The following MINDY4B variants were observed in gnomAD, a reference collection of about 807,000 sequenced individuals.
MINDY4B encodes inactive ubiquitin carboxyl-terminal hydrolase MINDY-4B.
A neutral mutation model predicts 16.7 loss-of-function variants in MINDY4B; 25 were observed. The observed-to-expected ratio is 1.49, with a 90% confidence interval of 1.09 to 2.09. The LOEUF is 2.09. Among genes scored for constraint, MINDY4B ranks in the 30% most tolerant of loss-of-function variants. The pLI, the probability that MINDY4B is intolerant of heterozygous loss-of-function variation, is 0.00. For synonymous variants in MINDY4B, 132 were observed against 61.9 expected (o/e 2.13, Z -5.32); for missense variants, 327 against 168.4 (o/e 1.94, Z -5.21).
chr3:150,888,225 G>A (rs888181562), intron 7 of MINDY4B, among the ~76,000 whole-genome samples: 2 of 152,060 alleles, frequency 1.3e-5, no homozygotes, highest in African/African-American at 4.8e-5. Flanking sequence ...CATCACTCTG[G>A]TCCCAGCTTC....
At chr3:150,872,036 A>G (rs1716985048) in intron 11 of MINDY4B, among the ~76,000 whole-genome samples, 1 of 152,176 alleles carries the variant, frequency 6.6e-6, no homozygotes, top group African/African-American at 2.4e-5. Flanking sequence ...TCAATTAGTA[A>G]CTACTTGTTG....
Position 150,883,263 on chromosome 3 carries a change from C to G in MINDY4B, c.898-205G>C, listed in dbSNP as rs1711551617. ...TTTTTTCTTAAACCTTACCCCATAACTCCCTCTGTACCCCACTCTGATCTT... is the reference window on the plus strand; with the variant it reads ...TTTTTTCTTAAACCTTACCCCATAAGTCCCTCTGTACCCCACTCTGATCTT... On this transcript the variant is annotated intron_variant, in intron 9 of 11. Coordinates refer to ENST00000465419, the MANE Select transcript of MINDY4B (RefSeq NM_001351281.2). 3.9e-5 allele frequency among the ~76,000 whole-genome samples: 6 copies of G among 152,296 alleles called. 1 individual carries two copies. The South Asian group carries it at 1.2e-3, about 32-fold the overall frequency.
intron 7 of MINDY4B, among the ~76,000 whole-genome samples, chr3:150,885,994 T>C (rs1711613942): frequency 6.6e-6 from 1 of 152,236 alleles, no homozygotes. Context: ...AAGTAATTAA[T>C]TATTTGAACC....
rs766447426 is a variant in MINDY4B at position 150,893,310 on chromosome 3, C to G, written c.521+14G>C. ...TGAAATGGGTAATTCAAGTACTTCT[C>G]ACAGTCCTCTTACTTGCCAAGGTTA... On this transcript the variant is annotated intron_variant, in intron 5 of 11. Transcript: ENST00000465419. The G allele has an allele frequency of 4.0e-5, 28 of 702,590 alleles. No homozygotes were observed. The Admixed American group carries it at 4.2e-4, about 11-fold the overall frequency. 43.5% of individuals were successfully genotyped at this position (702,590 alleles called of 1,614,324 possible).
chr3:150,883,417 G>T (rs1224720942), intron 9 of MINDY4B, among the ~76,000 whole-genome samples: 1 of 151,714 alleles, frequency 6.6e-6, no homozygotes, highest in African/African-American at 2.4e-5. Flanking sequence ...GTCTTGTCAA[G>T]ATATTTTCTA....
At position 150,871,099 on chromosome 3, in the gene MINDY4B, T is replaced by C; in HGVS notation, c.1329A>G (p.Arg443=). 1.4e-6 allele frequency: 1 copy of C among 702,908 alleles called. No homozygotes were observed. The highest frequency in any genetic ancestry group is 1.5e-5 in the South Asian group (1 of 67,594). 43.5% of individuals were successfully genotyped at this position (702,908 alleles called of 1,614,324 possible). ...TGATGGTGGCCTCGCTCCACTTGGT[T>C]CTGATTGCCATCTCCACTGGTGAAA... ...RRFSPVEMAI[R]TKWSEATINW... The change falls in exon 12 of 12, where the codon AGA becomes AGG. Residue 443 remains arginine (R), a synonymous_variant. Coordinates refer to ENST00000465419, the MANE Select transcript of MINDY4B (RefSeq NM_001351281.2).
intron 7 of MINDY4B, among the ~76,000 whole-genome samples, chr3:150,886,174 G>T (rs1056062539): frequency 1.6e-4 from 24 of 152,132 alleles, no homozygotes; most frequent in Middle Eastern, 3.2e-3. Flanking sequence ...AACATTCAGG[G>T]CTTCTCATCA....
intron 11 of MINDY4B, among the ~76,000 whole-genome samples, chr3:150,872,017 T>A (rs1316037146): frequency 6.6e-6 from 1 of 152,236 alleles, no homozygotes; most frequent in East Asian, 1.9e-4. Context: ...ATTGCTAAAC[T>A]TCATTTATTC....
At chr3:150,877,325 T>C (rs1451025973) in intron 10 of MINDY4B, among the ~76,000 whole-genome samples, 2 of 152,182 alleles carry the variant, frequency 1.3e-5, no homozygotes, top group African/African-American at 2.4e-5. Flanking sequence ...AGGCAGGAGC[T>C]ACTAAATATC....
At chr3:150,877,052 T>G (rs1439563490) in intron 10 of MINDY4B, among the ~76,000 whole-genome samples, 1 of 151,950 alleles carries the variant, frequency 6.6e-6, no homozygotes, top group Non-Finnish European at 1.5e-5. Flanking sequence ...ATACCATCTT[T>G]TTTTTTTAAA....
intron 3 of MINDY4B, among the ~76,000 whole-genome samples, chr3:150,897,329 G>A (rs1026574480): frequency 6.9e-6 from 1 of 144,202 alleles, no homozygotes; most frequent in Non-Finnish European, 1.5e-5. Context: ...AACTGTGTGT[G>A]TGTGTGTGTG....
chr3:150,892,940 CAAA>C (rs36086608), intron 5 of MINDY4B, among the ~76,000 whole-genome samples: 2 of 138,968 alleles, frequency 1.4e-5, no homozygotes, highest in Admixed American at 7.2e-5. Context: ...GACTTTGTTG[CAAA>C]AAAAAAAAAA....
rs151276632 is a variant in MINDY4B at position 150,894,313 on chromosome 3, G to A, written c.310-8C>T. The A allele has an allele frequency of 5.4e-5, 37 of 685,602 alleles. No individual in the cohort carries two copies. The highest frequency in any genetic ancestry group is 4.5e-4 in the African/African-American group (25 of 56,170). The allele number at this position is 685,602 out of a possible 1,614,324, so 42.5% of individuals were successfully genotyped here. On this transcript the variant is annotated splice_region_variant and splice_polypyrimidine_tract_variant and intron_variant, in intron 3 of 11. Coordinates refer to ENST00000465419, the MANE Select transcript of MINDY4B (RefSeq NM_001351281.2). ...CAGGATCTGCCGCAGCTTCTGAAAA[G>A]AGGGGAAAGAAATGATTCAACAAAA...
intron 8 of MINDY4B, among the ~76,000 whole-genome samples, chr3:150,884,064 T>C: frequency 6.6e-6 from 1 of 152,190 alleles, no homozygotes; most frequent in Middle Eastern, 3.2e-3. Flanking sequence ...GAGAAGCTCT[T>C]TGTTCTATGT....
chr3:150,875,109 T>C (rs904432104), intron 10 of MINDY4B, among the ~76,000 whole-genome samples: 9 of 152,230 alleles, frequency 5.9e-5, no homozygotes, highest in African/African-American at 2.4e-5. Flanking sequence ...ACAGGGCCAG[T>C]CTGCCCACTG....
At chr3:150,900,202 AG>A (rs1404682552) in intron 3 of MINDY4B, among the ~76,000 whole-genome samples, 1 of 152,236 alleles carries the variant, frequency 6.6e-6, no homozygotes, top group Admixed American at 6.5e-5. Context: ...GGAGGAAGGA[AG>A]AAAGCTGTAG....
chr3:150,883,731 T>C lies in MINDY4B; in HGVS notation c.866A>G (p.Gln289Arg). The change falls in exon 9 of 12, where the codon CAA becomes CGA. Residue 289 changes from glutamine (Q) to arginine (R), a missense_variant. By Grantham distance (43) the Gln-to-Arg change is conservative (BLOSUM62 1). Coordinates refer to ENST00000465419, the MANE Select transcript of MINDY4B (RefSeq NM_001351281.2). ...DLDVTTTQLLQPNAGGFLCRQ... is the reference protein window; with the variant it reads ...DLDVTTTQLLRPNAGGFLCRQ... ...GCACAGAAAGCCTCCAGCATTTGGT[T>C]GTAGCAGCTGAGTGGTGGTGACATC... 1 of 702,816 alleles carries C rather than the reference T, an allele frequency of 1.4e-6. No individual in the cohort carries two copies. Among genetic ancestry groups the C allele is most frequent in the Non-Finnish European group, 2.6e-6 (1 of 384,834 alleles). 43.5% of individuals were successfully genotyped at this position (702,816 alleles called of 1,614,324 possible).
rs1447671576 is a variant in MINDY4B at position 150,903,316 on chromosome 3, G to C, written c.242C>G (p.Ser81Cys). Residue 81 changes from serine to cysteine, a missense_variant, in exon 3 of 12, where the codon TCT becomes TGT. Physicochemically the swap from Ser to Cys is moderately radical, Grantham distance 112. Transcript: ENST00000465419. ...AGAGATGATAGAGGGGTTGGGAATA[G>C]AACAAAGGCCACTTGATGGCAAATG... ...QGHLPSSGLC[S>C]IPNPSIISSK... 4 of 398,456 alleles carry C rather than the reference G, an allele frequency of 1.0e-5. No homozygotes were observed. In the Admixed American group the frequency reaches 1.8e-4, roughly 18 times the overall value. 24.7% of individuals were successfully genotyped at this position (398,456 alleles called of 1,614,324 possible).
chr3:150,885,795 C>T (rs1310375265), intron 7 of MINDY4B, among the ~76,000 whole-genome samples: 1 of 152,164 alleles, frequency 6.6e-6, no homozygotes, highest in Non-Finnish European at 1.5e-5. Flanking sequence ...CTCTTCTCTC[C>T]TCATGTCCTT....
Sources: gnomAD v4.1 joint callset for allele counts (sites outside exome capture counted in the v4.1 genomes callset) on GRCh38, gnomAD v4.1.1 for gene constraint, MANE v1.5 for transcripts, NCBI Gene and HGNC (gene_info 2026-07-23, HGNC 2026-07-21) for gene names.